Variants in METTL15 observed in about 807,000 individuals in gnomAD.
The protein encoded by METTL15 is 12S rRNA N(4)-cytidine methyltransferase METTL15.
METTL15 carries 34 observed loss-of-function variants against 38.3 expected under a neutral mutation model. That is an observed-to-expected ratio of 0.89 (90% CI 0.68 to 1.18). METTL15 has a LOEUF of 1.18. Ranked by LOEUF, METTL15 falls within the 50% of genes most tolerant of loss-of-function variation. The pLI is 0.00. For missense variants in METTL15, 438 were observed against 498.4 expected (o/e 0.88, Z 1.15); for synonymous variants, 162 against 170.9 (o/e 0.95, Z 0.41).
At chr11:28,423,843 A>G (rs10835325) in intron 5 of METTL15, among the ~76,000 whole-genome samples, 64,185 of 143,820 alleles carry the variant, frequency 0.45, 14,968 homozygotes, top group Admixed American at 0.55. Flanking sequence ...ATTTTAATAT[A>G]ACTAAAAGTA....
At chr11:28,421,771 A>T (rs1483034674) in intron 5 of METTL15, among the ~76,000 whole-genome samples, 2 of 152,060 alleles carry the variant, frequency 1.3e-5, no homozygotes, top group Non-Finnish European at 2.9e-5. Flanking sequence ...TTCCTCCAAG[A>T]TCTTGAACAT....
chr11:28,464,443 G>A lies in METTL15; in HGVS notation c.*424+40079G>A, dbSNP rs780434630. Among the ~76,000 whole-genome samples the A allele has an allele frequency of 4.6e-5, 7 of 152,300 alleles. No homozygotes were observed. In the South Asian group the frequency reaches 1.2e-3, roughly 27 times the overall value. ...GAGAGTATGTAAACAAATGAGTGTG[G>A]TTGTGTTCCAGTAAAATGTGATTTA... is the stretch of plus-strand genomic sequence containing the variant. On this transcript the variant is annotated intron_variant and NMD_transcript_variant, in intron 6 of 7. Coordinates refer to the METTL15 transcript ENST00000532947.
intron 4 of METTL15, among the ~76,000 whole-genome samples, chr11:28,252,786 A>T (rs919779781): frequency 9.9e-5 from 15 of 151,866 alleles, no homozygotes; most frequent in African/African-American, 3.1e-4. Context: ...TCCACTTTAT[A>T]AAAAAAACTC....
At chr11:28,213,907 G>A (rs1055153393) in intron 4 of METTL15, among the ~76,000 whole-genome samples, 4 of 151,766 alleles carry the variant, frequency 2.6e-5, no homozygotes, top group Non-Finnish European at 4.4e-5. Flanking sequence ...CGCCCGCCTC[G>A]GCCTCCCAAA....
intron 3 of METTL15, among the ~76,000 whole-genome samples, chr11:28,182,322 T>C (rs1029279168): frequency 3.3e-5 from 5 of 152,160 alleles, no homozygotes; most frequent in African/African-American, 9.7e-5. Context: ...AGTCATGAAG[T>C]CTTTGCCCTT....
chr11:28,476,035 A>T (rs183281115), intron 6 of METTL15, among the ~76,000 whole-genome samples: 35 of 152,330 alleles, frequency 2.3e-4, no homozygotes, highest in Non-Finnish European at 4.9e-4. Context: ...TGATACCTTC[A>T]TCTGACTTCT....
chr11:28,228,779 T>C (rs1354443993), intron 4 of METTL15, among the ~76,000 whole-genome samples: 1 of 151,972 alleles, frequency 6.6e-6, no homozygotes, highest in Non-Finnish European at 1.5e-5. Context: ...TAACATGTCA[T>C]ATCCCTGCTT....
Position 28,199,707 on chromosome 11 carries a change from C to G in METTL15, c.271-11355C>G, listed in dbSNP as rs569619655. ...CATCTGTAAAATGGGATTACATTAT[C>G]CATCTTGCAGGCTGTTGTAAGAATT... is the stretch of plus-strand genomic sequence containing the variant. On this transcript the variant is annotated intron_variant, in intron 3 of 6. Coordinates refer to ENST00000407364, the MANE Select transcript of METTL15 (RefSeq NM_001113528.2). 2.0e-5 allele frequency among the ~76,000 whole-genome samples: 3 copies of G among 151,640 alleles called. No homozygotes were observed. In the South Asian group the frequency reaches 6.2e-4, roughly 32 times the overall value.
intron 3 of METTL15, among the ~76,000 whole-genome samples, chr11:28,205,677 G>A (rs1246934122): frequency 9.2e-5 from 14 of 151,434 alleles, no homozygotes; most frequent in South Asian, 2.1e-4. Context: ...CTGAGGAATC[G>A]CCACACTGAC....
intron 3 of METTL15, among the ~76,000 whole-genome samples, chr11:28,134,318 T>C (rs1849440832): frequency 2.6e-5 from 4 of 152,184 alleles, no homozygotes; most frequent in Admixed American, 2.6e-4. Flanking sequence ...TTTTTACATA[T>C]ATACCAATGG....
intron 3 of METTL15, among the ~76,000 whole-genome samples, chr11:28,193,531 G>A (rs1189697181): frequency 6.6e-6 from 1 of 152,044 alleles, no homozygotes; most frequent in Non-Finnish European, 1.5e-5. Flanking sequence ...CCTCCCTCCA[G>A]GCCCCACTTC....
chr11:28,283,068 A>C (rs552667994), intron 4 of METTL15, among the ~76,000 whole-genome samples: 1 of 152,260 alleles, frequency 6.6e-6, no homozygotes, highest in African/African-American at 2.4e-5. Flanking sequence ...CTTGAGATTA[A>C]AGATGTATAA....
At chr11:28,185,611 CT>C (rs1227943658) in intron 3 of METTL15, among the ~76,000 whole-genome samples, 1 of 151,304 alleles carries the variant, frequency 6.6e-6, no homozygotes, top group African/African-American at 2.4e-5. Flanking sequence ...GTTGATTGTT[CT>C]TTAATCCACT....
intron 4 of METTL15, among the ~76,000 whole-genome samples, chr11:28,239,510 C>T (rs1854191847): frequency 6.6e-6 from 1 of 152,180 alleles, no homozygotes; most frequent in Non-Finnish European, 1.5e-5. Flanking sequence ...TTTGACTTGT[C>T]TTCCAGCTTC....
downstream of METTL15, among the ~76,000 whole-genome samples, chr11:28,338,096 T>G (rs1178565067): frequency 6.6e-6 from 1 of 151,798 alleles, no homozygotes; most frequent in East Asian, 1.9e-4. Flanking sequence ...TTTTCCTGTC[T>G]TCACCAAGAC....
chr11:28,487,240 A>G (rs1851446477), intron 6 of METTL15, among the ~76,000 whole-genome samples: 1 of 152,184 alleles, frequency 6.6e-6, no homozygotes, highest in Non-Finnish European at 1.5e-5. Context: ...CTTCAAAAGT[A>G]TTTTGCTATG....
chr11:28,460,212 C>G (rs1379668762), intron 6 of METTL15, among the ~76,000 whole-genome samples: 2 of 152,062 alleles, frequency 1.3e-5, no homozygotes, highest in Non-Finnish European at 1.5e-5. Flanking sequence ...GACTGTATCT[C>G]TATATCCACA....
chr11:28,124,190 T>C (rs1462307186), intron 3 of METTL15, among the ~76,000 whole-genome samples: 2 of 152,112 alleles, frequency 1.3e-5, no homozygotes, highest in Non-Finnish European at 2.9e-5. Flanking sequence ...TACAGTATGC[T>C]TTTTCCCCTC....
At chr11:28,370,539 T>C (rs1015070984) in intron 5 of METTL15, among the ~76,000 whole-genome samples, 1 of 152,020 alleles carries the variant, frequency 6.6e-6, no homozygotes, top group Non-Finnish European at 1.5e-5. Context: ...ATCTTTTTGA[T>C]ACATTGATTT....
Sources: gnomAD v4.1 joint callset for allele counts (sites outside exome capture counted in the v4.1 genomes callset) on GRCh38, gnomAD v4.1.1 for gene constraint, MANE v1.5 for transcripts, NCBI Gene and HGNC (gene_info 2026-07-23, HGNC 2026-07-21) for gene names.